ABI3: variants seen among roughly 807,000 people sequenced by gnomAD.
ABI3 encodes the protein ABI family member 3.
In ABI3, 24 loss-of-function variants were observed where a neutral mutation model predicts 37.0. The observed-to-expected ratio is 0.65, with a 90% CI of 0.47 to 0.91. ABI3 has a LOEUF of 0.91. Among genes scored for constraint, ABI3 ranks in the 40% least tolerant of loss-of-function variants. ABI3 has a pLI of 0.00. For synonymous variants in ABI3, 220 were observed against 211.8 expected (o/e 1.04, Z -0.34); for missense variants, 481 against 485.1 (o/e 0.99, Z 0.08).
Position 49,219,858 on chromosome 17 carries a change from G to A in ABI3, c.549G>A (p.Gly183=). 1 of 1,542,946 alleles carries A rather than the reference G, an allele frequency of 6.5e-7. No homozygotes were observed. The highest frequency in any genetic ancestry group is 1.2e-5 in the South Asian group (1 of 84,462). The change falls in exon 5 of 8, where the codon GGG becomes GGA. Residue 183 remains glycine, a splice_region_variant and synonymous_variant. Coordinates refer to ENST00000225941, the MANE Select transcript of ABI3 (RefSeq NM_016428.3). The surrounding 1 kb of genome is among the most constrained non-coding windows in gnomAD (Gnocchi z 4.3). The part of the protein sequence containing the change: ...APATPASATL[G]RPPRIPEPVH... ...ATACCCACTCCCTGCCCCCCGCCAG[G>A]AGACCACCCCGGATTCCCGAGCCAG...
At chr17:49,212,930 T>G (rs2143512339) in intron 1 of ABI3, among the ~76,000 whole-genome samples, 1 of 152,372 alleles carries the variant, frequency 6.6e-6, no homozygotes, top group Non-Finnish European at 1.5e-5. Flanking sequence ...TTTCCATTCC[T>G]TCCATAACTT....
At chr17:49,211,473 C>G (rs1261951893) in intron 1 of ABI3, among the ~76,000 whole-genome samples, 1 of 152,148 alleles carries the variant, frequency 6.6e-6, no homozygotes, top group Non-Finnish European at 1.5e-5. Context: ...AACATAGATT[C>G]CTGGATTCAG....
At chr17:49,220,850 AATAATAATAAT>A (rs2043277806) in intron 6 of ABI3, among the ~76,000 whole-genome samples, 1 of 19,148 alleles carries the variant, frequency 5.2e-5, no homozygotes, top group Non-Finnish European at 1.2e-4. Context: ...ATCTCAAAAT[AATAATAATAAT>A]AATAATAATA....
rs775632247 is a variant in ABI3 at position 49,219,574 on chromosome 17, T to G, written c.497T>G (p.Leu166Arg). The change falls in exon 4 of 8, where the codon CTG (leucine) becomes CGG (arginine). Residue 166 changes from leucine (L) to arginine (R), a missense_variant. Coordinates refer to ENST00000225941, the MANE Select transcript of ABI3 (RefSeq NM_016428.3). This position sits in a 1 kb window ranked among gnomAD's most constrained non-coding sequence, Gnocchi z 4.3. Reference sequence around the variant, plus strand: ...ACGCAGCTGTCAAGAACAGGCACCCTGTCTCGAAAGAGCATCAAGGCCCCT... The same window carrying G: ...ACGCAGCTGTCAAGAACAGGCACCCGGTCTCGAAAGAGCATCAAGGCCCCT... ...LSTQLSRTGT[L>R]SRKSIKAPAT... The G allele has an allele frequency of 1.0e-5, 16 of 1,605,080 alleles. 1 individual carries two copies. In the Middle Eastern group the frequency reaches 2.3e-3, roughly 232 times the overall value.
chr17:49,222,858 GGGA>G lies in ABI3; in HGVS notation c.*145_*147del. The G allele has an allele frequency of 2.1e-6, 2 of 931,576 alleles. No individual in the cohort carries two copies. Among genetic ancestry groups the G allele is most frequent in the Non-Finnish European group, 3.1e-6 (2 of 639,690 alleles). 57.7% of individuals were successfully genotyped at this position (931,576 alleles called of 1,614,324 possible). On this transcript the variant is annotated 3_prime_UTR_variant, in exon 8 of 8. Transcript: ENST00000225941. Reference sequence around the variant, plus strand: ...GTGTTCTGTCCTTCCTCCCATCGGAGGGAGAAGGGGTCCTGGGGAGAGAGAATT... The same window carrying G: ...GTGTTCTGTCCTTCCTCCCATCGGAGGAAGGGGTCCTGGGGAGAGAGAATT...
At chr17:49,215,553 A>G (rs2043210734) in intron 1 of ABI3, among the ~76,000 whole-genome samples, 1 of 151,546 alleles carries the variant, frequency 6.6e-6, no homozygotes, top group Admixed American at 6.6e-5. Context: ...GCTGGAGTGC[A>G]GTGATGTGAT....
At position 49,220,277 on chromosome 17, in the gene ABI3, G is replaced by T; in HGVS notation, c.753G>T (p.Glu251Asp). The part of the protein sequence containing the change: ...LDPPPPPAAV[E>D]VFQRPPTLEE... ...CACCTCCTCCACCAGCAGCCGTCGA[G>T]GTGTTCCAGCGGCCTCCCACGCTGG... Residue 251 changes from glutamate to aspartate, a missense_variant, in exon 6 of 8, where the codon GAG (glutamate) becomes GAT (aspartate). Physicochemically the swap from Glu to Asp is conservative, Grantham distance 45 (BLOSUM62 2). Coordinates refer to ENST00000225941, the MANE Select transcript of ABI3 (RefSeq NM_016428.3). 1 of 1,605,442 alleles carries T rather than the reference G, an allele frequency of 6.2e-7. No individual in the cohort carries two copies. Among genetic ancestry groups the T allele is most frequent in the Non-Finnish European group, 8.5e-7 (1 of 1,176,580 alleles).
chr17:49,222,686 C>A lies in ABI3; in HGVS notation c.1072C>A (p.Pro358Thr). ...GVSSEGTGFF[P>T]GNYVEPSC ...CAGCTCAGAGGGGACTGGATTCTTC[C>A]CTGGGAACTATGTGGAGCCCAGCTG... Residue 358 changes from proline to threonine, a missense_variant, in exon 8 of 8, where the codon CCT (proline) becomes ACT (threonine). Transcript: ENST00000225941. 6.3e-7 allele frequency: 1 copy of A among 1,590,770 alleles called. No homozygotes were observed. The highest frequency in any genetic ancestry group is 8.6e-7 in the Non-Finnish European group (1 of 1,168,638).
chr17:49,222,315 T>C, intron 7 of ABI3, 90 bp downstream of exon 7: 1 of 1,508,114 alleles, frequency 6.6e-7, no homozygotes, highest in Non-Finnish European at 8.9e-7. Context: ...GGTGTGAATC[T>C]ATCCCCCGGG....
intron 6 of ABI3, among the ~76,000 whole-genome samples, chr17:49,220,894 A>AATAAT (rs2043279470): frequency 7.4e-6 from 1 of 134,824 alleles, no homozygotes; most frequent in Admixed American, 7.7e-5. Flanking sequence ...ATAATAATAA[A>AATAAT]CTTAATCCTA....
In ABI3 at chr17:49,217,926, G is replaced by C. The variant is rs2043239365; in HGVS notation, c.462+11G>C. ...GGCCATGGGATCAAGGTAGAGAGAGGGGCCCTCCTCTTTCCCTCCAACCCA... is the reference window on the plus strand; with the variant it reads ...GGCCATGGGATCAAGGTAGAGAGAGCGGCCCTCCTCTTTCCCTCCAACCCA... On this transcript the variant is annotated intron_variant, in intron 3 of 7. Transcript: ENST00000225941. The C allele has an allele frequency of 2.0e-6, 3 of 1,510,166 alleles. No individual in the cohort carries two copies. Among genetic ancestry groups the C allele is most frequent in the African/African-American group, 1.5e-5 (1 of 68,704 alleles). The allele number at this position is 1,510,166 out of a possible 1,614,324, so 93.5% of individuals were successfully genotyped here.
Position 49,219,876 on chromosome 17 carries a change from C to G in ABI3, c.567C>G (p.Pro189=). ...SATLGRPPRI[P]EPVHLPVVPD... Reference sequence around the variant, plus strand: ...CCGCCAGGAGACCACCCCGGATTCCCGAGCCAGTGCACCTGCCGGTGGTGC... The same window carrying G: ...CCGCCAGGAGACCACCCCGGATTCCGGAGCCAGTGCACCTGCCGGTGGTGC... Residue 189 remains proline (P), a synonymous_variant, in exon 5 of 8, where the codon CCC becomes CCG. Transcript: ENST00000225941. This position sits in a 1 kb window ranked among gnomAD's most constrained non-coding sequence, Gnocchi z 4.3. 1 of 1,545,308 alleles carries G rather than the reference C, an allele frequency of 6.5e-7. No individual in the cohort carries two copies. Among genetic ancestry groups the G allele is most frequent in the Non-Finnish European group, 8.7e-7 (1 of 1,150,860 alleles).
At chr17:49,211,415 T>A (rs1215875455) in intron 1 of ABI3, among the ~76,000 whole-genome samples, 1 of 151,806 alleles carries the variant, frequency 6.6e-6, no homozygotes, top group African/African-American at 2.4e-5. Flanking sequence ...GATAGGGAGG[T>A]GGCATTGTAG....
Position 49,219,814 on chromosome 17 carries a change from G to A in ABI3, c.549-44G>A. On this transcript the variant is annotated intron_variant, in intron 4 of 7. Transcript: ENST00000225941. The surrounding 1 kb of genome is among the most constrained non-coding windows in gnomAD (Gnocchi z 4.3). Reference sequence around the variant, plus strand: ...CGCACCCGACCCCTGCTGGCCAGAAGCCTTCCTCCTTCCTCCTAATACCCA... The same window carrying A: ...CGCACCCGACCCCTGCTGGCCAGAAACCTTCCTCCTTCCTCCTAATACCCA... 2 of 1,526,652 alleles carry A rather than the reference G, an allele frequency of 1.3e-6. No individual in the cohort carries two copies. The highest frequency in any genetic ancestry group is 1.2e-5 in the South Asian group (1 of 83,822). 94.6% of individuals were successfully genotyped at this position (1,526,652 alleles called of 1,614,324 possible). A position where few individuals can be genotyped will look rare whatever the true frequency, so the allele number is the denominator to read the frequency against.
Position 49,219,443 on chromosome 17 carries a change from C to T in ABI3, c.463-97C>T, listed in dbSNP as rs2043255000. On this transcript the variant is annotated intron_variant, in intron 3 of 7. Transcript: ENST00000225941. The surrounding 1 kb of genome is among the most constrained non-coding windows in gnomAD (Gnocchi z 4.3). ...ACTGGCTATGCCGGGCTCTCCCTCC[C>T]GGTTCCCGTCCGCCCCTCCTCCATT... The T allele has an allele frequency of 6.3e-6, 7 of 1,108,996 alleles. No homozygotes were observed. The highest frequency in any genetic ancestry group is 6.0e-5 in the South Asian group (4 of 66,968). 68.7% of individuals were successfully genotyped at this position (1,108,996 alleles called of 1,614,324 possible).
In ABI3 at chr17:49,222,712, C is replaced by T; in HGVS notation, c.1098C>T (p.Cys366=). Residue 366 remains cysteine, a synonymous_variant, in exon 8 of 8, where the codon TGC becomes TGT. Transcript: ENST00000225941. ...FFPGNYVEPS[C] ...CTGGGAACTATGTGGAGCCCAGCTG[C>T]TGACAGCCCAGGGCTCTCTGGGCAG... is the stretch of plus-strand genomic sequence containing the variant. 6.4e-7 allele frequency: 1 copy of T among 1,564,510 alleles called. No homozygotes were observed. Among genetic ancestry groups the T allele is most frequent in the Non-Finnish European group, 8.7e-7 (1 of 1,155,112 alleles).
At chr17:49,222,494 G>A in intron 7 of ABI3, 58 bp from the exon 8 acceptor site, 2 of 1,583,144 alleles carry the variant, frequency 1.3e-6, no homozygotes, top group Non-Finnish European at 8.6e-7. Context: ...GTGGTGGGGG[G>A]TGAGGGGGAG....
chr17:49,220,093 G>T (rs1449761054), intron 5 of ABI3, 76 bp from the exon 6 acceptor site: 2 of 1,600,070 alleles, frequency 1.2e-6, no homozygotes, highest in Non-Finnish European at 8.5e-7. Context: ...CTGGGGTCAG[G>T]ATTGGAGGGG....
At chr17:49,214,110 G>A (rs1057279757) in intron 1 of ABI3, among the ~76,000 whole-genome samples, 1 of 152,216 alleles carries the variant, frequency 6.6e-6, no homozygotes, top group African/African-American at 2.4e-5. Flanking sequence ...TCTGGCTCAG[G>A]CTCCATTAGA....
Sources: gnomAD v4.1 joint callset for allele counts (sites outside exome capture counted in the v4.1 genomes callset) on GRCh38, gnomAD v4.1.1 for gene constraint, Gnocchi (gnomAD v3.1) non-coding constraint, MANE v1.5 for transcripts, NCBI Gene and HGNC (gene_info 2026-07-23, HGNC 2026-07-21) for gene names.